NDRG3: variants seen among roughly 807,000 people sequenced by gnomAD.
NDRG3 encodes protein NDRG3.
NDRG3 carries 23 observed loss-of-function variants against 57.2 expected under a neutral mutation model. That is an observed-to-expected ratio of 0.40 (90% CI 0.29 to 0.57). NDRG3 has a LOEUF of 0.57. Ranked by LOEUF, NDRG3 falls within the 20% of genes least tolerant of loss-of-function variation. NDRG3 has a pLI of 0.42. For synonymous variants in NDRG3, 132 were observed against 162.6 expected, an observed-to-expected ratio of 0.81 and a Z score of 1.43; for missense variants, 384 against 457.3, an observed-to-expected ratio of 0.84 and a Z score of 1.46.
intron 1 of NDRG3, among the ~76,000 whole-genome samples, chr20:36,744,673 C>A (rs2148242186): frequency 6.6e-6 from 1 of 152,282 alleles, no homozygotes; most frequent in Admixed American, 6.5e-5. Flanking sequence ...GAAACATTCA[C>A]ATATTTTTAT....
chr20:36,703,957 CAT>C (rs1421390498), intron 3 of NDRG3, among the ~76,000 whole-genome samples: 1 of 152,164 alleles, frequency 6.6e-6, no homozygotes, highest in Non-Finnish European at 1.5e-5. Context: ...TCTCAAATGA[CAT>C]ATGCCAAAAT....
Position 36,682,587 on chromosome 20 carries a change from G to A in NDRG3, c.384-9C>T, listed in dbSNP as rs776770370. ...CAATGATGCTTTTCAGGCTGTGAAT[G>A]GGACATAACGACAACTGACAGAGTC... On this transcript the variant is annotated splice_polypyrimidine_tract_variant and intron_variant, in intron 6 of 15. Coordinates refer to ENST00000349004, the MANE Select transcript of NDRG3 (RefSeq NM_032013.4). The A allele has an allele frequency of 1.2e-6, 2 of 1,612,754 alleles. No individual in the cohort carries two copies. Among genetic ancestry groups the A allele is most frequent in the South Asian group, 1.1e-5 (1 of 90,940 alleles).
chr20:36,720,207 C>T (rs867651372), intron 2 of NDRG3, among the ~76,000 whole-genome samples: 2 of 151,744 alleles, frequency 1.3e-5, no homozygotes, highest in Non-Finnish European at 2.9e-5. Flanking sequence ...GAGTTTTGCT[C>T]TGTCGCCCAG....
At chr20:36,728,640 C>T (rs1339851918) in intron 1 of NDRG3, among the ~76,000 whole-genome samples, 1 of 152,106 alleles carries the variant, frequency 6.6e-6, no homozygotes, top group Non-Finnish European at 1.5e-5. Flanking sequence ...TGCTTAAACG[C>T]TAGTAAGTAT....
At chr20:36,690,119 T>G (rs993315395) in intron 3 of NDRG3, among the ~76,000 whole-genome samples, 1 of 152,190 alleles carries the variant, frequency 6.6e-6, no homozygotes, top group African/African-American at 2.4e-5. Flanking sequence ...TACTCTAATT[T>G]CTGGTGCTAG....
At chr20:36,721,163 G>A (rs963547670) in intron 2 of NDRG3, among the ~76,000 whole-genome samples, 7 of 152,012 alleles carry the variant, frequency 4.6e-5, no homozygotes, top group South Asian at 2.1e-4. Flanking sequence ...CAAAGATAAC[G>A]TGATTGAACG....
chr20:36,716,951 T>G (rs1200198421), intron 2 of NDRG3, among the ~76,000 whole-genome samples: 1 of 152,160 alleles, frequency 6.6e-6, no homozygotes, highest in Non-Finnish European at 1.5e-5. Context: ...TCAGATAACC[T>G]CTCAGTGTCA....
At chr20:36,654,704 G>A (rs993208437) in intron 15 of NDRG3, 11 of 759,820 alleles carry the variant, frequency 1.4e-5, no homozygotes, top group Non-Finnish European at 2.5e-5. Context: ...GTTCTATCGG[G>A]CTCTCACTGC....
At chr20:36,695,784 C>T (rs6101831) in intron 3 of NDRG3, among the ~76,000 whole-genome samples, 2 of 152,186 alleles carry the variant, frequency 1.3e-5, no homozygotes, top group Non-Finnish European at 2.9e-5. Flanking sequence ...TTGCCCTACC[C>T]TTGTGACCTT....
intron 2 of NDRG3, among the ~76,000 whole-genome samples, chr20:36,716,625 T>C (rs1366619022): frequency 6.6e-6 from 1 of 152,198 alleles, no homozygotes; most frequent in Non-Finnish European, 1.5e-5. Flanking sequence ...TAAACATTTA[T>C]TCCCCTTTCT....
Position 36,688,743 on chromosome 20 carries a change from A to G in NDRG3, c.135T>C (p.Thr45=), listed in dbSNP as rs1982004216. The part of the protein sequence containing the change: ...IETTHGVVHV[T]IRGLPKGNRP... ...TGTTTCCTTTGGGTAAGCCTCTTATAGTGACGTGGACCACACCATGAGTTG... is the reference window on the plus strand; with the variant it reads ...TGTTTCCTTTGGGTAAGCCTCTTATGGTGACGTGGACCACACCATGAGTTG... Residue 45 remains threonine, a synonymous_variant, in exon 4 of 16, where the codon ACT becomes ACC. Transcript: ENST00000349004. 6.2e-7 allele frequency: 1 copy of G among 1,613,908 alleles called. No homozygotes were observed. Among genetic ancestry groups the G allele is most frequent in the African/African-American group, 1.3e-5 (1 of 74,928 alleles).
chr20:36,670,520 T>C (rs1377435159), intron 9 of NDRG3, among the ~76,000 whole-genome samples: 1 of 152,192 alleles, frequency 6.6e-6, no homozygotes, highest in Non-Finnish European at 1.5e-5. Context: ...ACACTTACAA[T>C]CTGGATAGTG....
chr20:36,708,654 A>C (rs1983689859), intron 2 of NDRG3, among the ~76,000 whole-genome samples: 3 of 150,788 alleles, frequency 2.0e-5, no homozygotes, highest in Admixed American at 2.0e-4. Flanking sequence ...TCTCAAAAAA[A>C]AAAAAAAAAA....
At chr20:36,680,564 G>A (rs966570525) in intron 8 of NDRG3, among the ~76,000 whole-genome samples, 3 of 151,930 alleles carry the variant, frequency 2.0e-5, no homozygotes, top group African/African-American at 7.3e-5. Context: ...ACTTATCTCT[G>A]GTAACAACAG....
chr20:36,733,158 AAAAAAAAAAAAAAATATATATATATAT>A lies in NDRG3; in HGVS notation c.-48-11402_-48-11376del, dbSNP rs1306040323. 2.2e-4 allele frequency among the ~76,000 whole-genome samples: 10 copies of A among 46,408 alleles called. 2 individuals are homozygous for A. Among genetic ancestry groups the A allele is most frequent in the African/African-American group, 1.3e-3 (10 of 7,832 alleles). 30.4% of individuals were successfully genotyped at this position (46,408 alleles called of 152,430 possible). ...CACGATCCTGTCTCAAAAAAAAAAAAAAAAAAAAAAAAAATATATATATATATATATATATATATATATATGCACATA... is the reference window on the plus strand; with the variant it reads ...CACGATCCTGTCTCAAAAAAAAAAAAATATATATATATATATATGCACATA... On this transcript the variant is annotated intron_variant, in intron 1 of 15. Coordinates refer to ENST00000349004, the MANE Select transcript of NDRG3 (RefSeq NM_032013.4).
chr20:36,706,896 C>A (rs1215355068), intron 3 of NDRG3, 76 bp downstream of exon 3: 11 of 1,292,952 alleles, frequency 8.5e-6, no homozygotes, highest in Non-Finnish European at 1.1e-5. Flanking sequence ...TCCACTTCTA[C>A]AAGACCACCA....
intron 8 of NDRG3, among the ~76,000 whole-genome samples, chr20:36,678,894 C>A (rs143076455): frequency 3.4e-4 from 52 of 152,202 alleles, no homozygotes; most frequent in Admixed American, 3.3e-3. Context: ...GAAACTTTCA[C>A]GCACTGCTGT....
At chr20:36,727,269 G>C (rs1488222137) in intron 1 of NDRG3, among the ~76,000 whole-genome samples, 1 of 151,880 alleles carries the variant, frequency 6.6e-6, no homozygotes, top group Admixed American at 6.6e-5. Context: ...ACATAGGCTG[G>C]AGTGCAGTGG....
At chr20:36,733,551 C>T (rs918883407) in intron 1 of NDRG3, among the ~76,000 whole-genome samples, 6 of 151,864 alleles carry the variant, frequency 4.0e-5, no homozygotes, top group Non-Finnish European at 8.8e-5. Context: ...GGTGAAACCC[C>T]GTCTCTACTA....
Sources: gnomAD v4.1 joint callset for allele counts (sites outside exome capture counted in the v4.1 genomes callset) on GRCh38, gnomAD v4.1.1 for gene constraint, MANE v1.5 for transcripts, NCBI Gene and HGNC (gene_info 2026-07-23, HGNC 2026-07-21) for gene names.